The following RPRD1A variants were observed in gnomAD, a reference collection of about 807,000 sequenced individuals.
RPRD1A encodes the protein regulation of nuclear pre-mRNA domain containing 1A.
RPRD1A carries 9 observed loss-of-function variants against 37.8 expected under a neutral mutation model. The ratio of observed to expected loss-of-function variants is 0.24; its 90% CI spans 0.14 to 0.42. RPRD1A has a LOEUF of 0.42. Ranked by LOEUF, RPRD1A falls within the 10% of genes least tolerant of loss-of-function variation. The probability of loss-of-function intolerance (pLI) is 1.00; values close to 1 mark genes in which losing one functional copy is unlikely to be tolerated. For synonymous variants in RPRD1A, 138 were observed against 139.7 expected (o/e 0.99, Z 0.08); for missense variants, 255 against 371.0 (o/e 0.69, Z 2.57).
At chr18:36,046,425 T>C (rs2144357477) in intron 1 of RPRD1A, among the ~76,000 whole-genome samples, 1 of 152,176 alleles carries the variant, frequency 6.6e-6, no homozygotes, top group Middle Eastern at 3.4e-3. Context: ...CCCCACGGTG[T>C]CAGTGGAGAC....
intron 6 of RPRD1A, among the ~76,000 whole-genome samples, chr18:35,994,010 G>A (rs1908871313): frequency 6.6e-6 from 1 of 152,168 alleles, no homozygotes; most frequent in Non-Finnish European, 1.5e-5. Flanking sequence ...TGGCTCCACA[G>A]CAGAAGAGGC....
intron 6 of RPRD1A, among the ~76,000 whole-genome samples, chr18:36,003,883 C>T (rs1056080290): frequency 1.3e-5 from 2 of 151,926 alleles, no homozygotes; most frequent in East Asian, 1.9e-4. Flanking sequence ...ACTGTAGTCT[C>T]GACCTCCTGG....
At chr18:36,039,863 T>C (rs1327827722) in intron 1 of RPRD1A, among the ~76,000 whole-genome samples, 1 of 147,480 alleles carries the variant, frequency 6.8e-6, no homozygotes, top group Non-Finnish European at 1.5e-5. Context: ...CACACACGCA[T>C]GCACACATGC....
At chr18:36,050,081 A>G (rs1598657648) in intron 1 of RPRD1A, among the ~76,000 whole-genome samples, 1 of 151,952 alleles carries the variant, frequency 6.6e-6, no homozygotes, top group East Asian at 1.9e-4. Context: ...TTGTTGGGGG[A>G]GAAGAAAATG....
intron 1 of RPRD1A, among the ~76,000 whole-genome samples, chr18:36,057,856 T>C (rs564928635): frequency 3.2e-4 from 49 of 152,204 alleles, no homozygotes; most frequent in Non-Finnish European, 6.2e-4. Context: ...TAAACTAGGA[T>C]AGGTTCCCAA....
intron 1 of RPRD1A, among the ~76,000 whole-genome samples, chr18:36,051,602 A>C (rs759945170): frequency 6.6e-6 from 1 of 152,118 alleles, no homozygotes; most frequent in African/African-American, 2.4e-5. Flanking sequence ...CTCATTCAAC[A>C]CATAGTTATT....
intron 1 of RPRD1A, among the ~76,000 whole-genome samples, chr18:36,054,934 C>T (rs1008534551): frequency 2.6e-5 from 4 of 151,998 alleles, no homozygotes; most frequent in African/African-American, 7.2e-5. Context: ...TCAACCTTTT[C>T]GTTCTATTTA....
At chr18:36,006,844 C>T (rs909304837) in intron 6 of RPRD1A, among the ~76,000 whole-genome samples, 4 of 152,132 alleles carry the variant, frequency 2.6e-5, no homozygotes, top group African/African-American at 4.8e-5. Context: ...AGCTCACTAG[C>T]AGTAGACAAC....
chr18:36,012,041 A>G (rs1331923618), intron 6 of RPRD1A, among the ~76,000 whole-genome samples: 2 of 152,172 alleles, frequency 1.3e-5, no homozygotes, highest in East Asian at 1.9e-4. Flanking sequence ...AGCATGTTGT[A>G]TATGTTACCA....
At chr18:36,030,579 A>G (rs1185434656) in intron 4 of RPRD1A, among the ~76,000 whole-genome samples, 1 of 151,570 alleles carries the variant, frequency 6.6e-6, no homozygotes, top group Non-Finnish European at 1.5e-5. Context: ...TTGGCAATTA[A>G]AAATCCTCTT....
At chr18:36,036,817 G>C (rs1375017128) in intron 1 of RPRD1A, among the ~76,000 whole-genome samples, 3 of 152,040 alleles carry the variant, frequency 2.0e-5, no homozygotes, top group Non-Finnish European at 4.4e-5. Context: ...TAACAGAAAG[G>C]GAAAACAAAC....
rs1339247337 is a variant in RPRD1A, at chr18:36,008,573, G to GTATATATATATATATATA, written c.790-15274_790-15273insTATATATATATATATATA. Among the ~76,000 whole-genome samples the GTATATATATATATATATA allele has an allele frequency of 1.4e-3, 51 of 36,628 alleles. 1 individual carries two copies. Among genetic ancestry groups the GTATATATATATATATATA allele is most frequent in the African/African-American group, 5.2e-3 (42 of 8,100 alleles). The allele number at this position is 36,628 out of a possible 152,430, so 24.0% of individuals were successfully genotyped here. On this transcript the variant is annotated intron_variant, in intron 6 of 6. Coordinates refer to ENST00000399022, the MANE Select transcript of RPRD1A (RefSeq NM_018170.5). The stretch of plus-strand genomic sequence containing the variant: ...CCTGGGCGACACAGCAAGACCTTGT[G>GTATATATATATATATATA]TGTGTATATATATATATCTTTAAAA...
intron 1 of RPRD1A, among the ~76,000 whole-genome samples, chr18:36,059,417 C>G (rs941845917): frequency 1.3e-5 from 2 of 152,176 alleles, no homozygotes; most frequent in African/African-American, 2.4e-5. Flanking sequence ...GGATTACAGG[C>G]ATGCACCACC....
rs148750310 is a variant in RPRD1A at position 36,035,279 on chromosome 18, T to C, written c.152-1442A>G. On this transcript the variant is annotated intron_variant, in intron 1 of 6. Transcript: ENST00000399022. ...AAATTTGTATTATCTAATTGGGAGA[T>C]TGCCTGCATCACTTTTGAATGGGTA... Among the ~76,000 whole-genome samples the C allele has an allele frequency of 4.7e-3, 712 of 152,124 alleles. 5 individuals are homozygous for C. Among genetic ancestry groups the C allele is most frequent in the African/African-American group, 0.016 (658 of 41,472 alleles).
Position 35,997,151 on chromosome 18 carries a change from T to C in RPRD1A, c.790-3851A>G, listed in dbSNP as rs116673749. Among the ~76,000 whole-genome samples, 947 of 152,266 alleles carry C rather than the reference T, an allele frequency of 6.2e-3. 20 individuals are homozygous for C. The highest frequency in any genetic ancestry group is 0.022 in the African/African-American group (901 of 41,544). Reference sequence around the variant, plus strand: ...GCCAAATACAGTACAAATTCCTATTTAGAATATTTTGTTCAAGTTTTTCCT... The same window carrying C: ...GCCAAATACAGTACAAATTCCTATTCAGAATATTTTGTTCAAGTTTTTCCT... On this transcript the variant is annotated intron_variant, in intron 6 of 6. Coordinates refer to ENST00000399022, the MANE Select transcript of RPRD1A (RefSeq NM_018170.5).
chr18:36,008,577 G>GTGTGTGTGTGTGTATATATATATATATA, intron 6 of RPRD1A, among the ~76,000 whole-genome samples: 1 of 47,800 alleles, frequency 2.1e-5, no homozygotes, highest in African/African-American at 6.7e-5. Context: ...CCTTGTGTGT[G>GTGTGTGTGTGTGTATATATATATATATA]TATATATATA....
intron 1 of RPRD1A, among the ~76,000 whole-genome samples, chr18:36,045,440 C>T (rs187266327): frequency 9.5e-4 from 144 of 152,124 alleles, no homozygotes; most frequent in Middle Eastern, 3.4e-3. Flanking sequence ...AAACAGAGTA[C>T]TGGTCACTGC....
intron 6 of RPRD1A, among the ~76,000 whole-genome samples, chr18:35,996,810 C>G (rs1429703628): frequency 6.6e-6 from 1 of 151,548 alleles, no homozygotes; most frequent in Non-Finnish European, 1.5e-5. Context: ...AACTTTTTGT[C>G]TCTACAAAAA....
intron 1 of RPRD1A, among the ~76,000 whole-genome samples, chr18:36,062,323 C>CAAAAAAAAAA (rs752980996): frequency 2.2e-4 from 9 of 40,612 alleles, no homozygotes; most frequent in African/African-American, 7.9e-4. Context: ...GACTCCGTCT[C>CAAAAAAAAAA]AAAAAAAAAA....
Sources: allele counts gnomAD v4.1 joint callset (sites outside exome capture counted in the v4.1 genomes callset), GRCh38; gene constraint gnomAD v4.1.1; transcripts MANE v1.5; gene names NCBI Gene and HGNC (gene_info 2026-07-23, HGNC 2026-07-21).